The following FLNB variants were observed in gnomAD, a reference collection of about 807,000 sequenced individuals.
The protein encoded by FLNB is filamin-B.
FLNB carries 111 observed loss-of-function variants against 250.6 expected under a neutral mutation model. The observed-to-expected ratio is 0.44, with a 90% confidence interval of 0.38 to 0.52. FLNB has a LOEUF of 0.52. Among genes scored for constraint, FLNB ranks in the 20% least tolerant of loss-of-function variants. The pLI is 0.00. For missense variants in FLNB, 2,869 were observed against 3,447.8 expected (o/e 0.83, Z 4.20); for synonymous variants, 1,302 against 1,372.1 (o/e 0.95, Z 1.13).
At chr3:58,116,321 G>C (rs1312736652) in intron 18 of FLNB, among the ~76,000 whole-genome samples, 1 of 152,226 alleles carries the variant, frequency 6.6e-6, no homozygotes, top group Non-Finnish European at 1.5e-5. Context: ...TCTCATGGTA[G>C]TTTTAGGGTA....
intron 24 of FLNB, among the ~76,000 whole-genome samples, chr3:58,128,089 C>T (rs144238458): frequency 2.6e-5 from 4 of 152,276 alleles, no homozygotes; most frequent in African/African-American, 7.2e-5. Context: ...AGAGCCTCAG[C>T]GGGGTCTTGT....
At chr3:58,155,825 C>G in intron 40 of FLNB, 135 bp from the exon 41 acceptor site, 2 of 686,642 alleles carry the variant, frequency 2.9e-6, no homozygotes, top group Non-Finnish European at 5.3e-6. Context: ...AGCCAGGCGA[C>G]TCCCACTCAA....
intron 1 of FLNB, among the ~76,000 whole-genome samples, chr3:58,053,358 GGTAT>G (rs2097165508): frequency 6.6e-6 from 1 of 152,060 alleles, no homozygotes; most frequent in South Asian, 2.1e-4. Context: ...TAATTTCTGT[GGTAT>G]ACATCATTGA....
At chr3:58,163,918 A>G (rs2107321850) in intron 43 of FLNB, 1 of 153,806 alleles carries the variant, frequency 6.5e-6, no homozygotes, top group South Asian at 2.0e-4. Context: ...TATGAAAGAT[A>G]CAGGCAGTGA....
chr3:58,012,035 A>G (rs1046078278), intron 1 of FLNB, among the ~76,000 whole-genome samples: 3 of 152,064 alleles, frequency 2.0e-5, no homozygotes, highest in African/African-American at 7.2e-5. Context: ...ACATGGTGAA[A>G]CCCTAGCTCT....
intron 4 of FLNB, among the ~76,000 whole-genome samples, chr3:58,089,887 A>G (rs550481403): frequency 6.6e-6 from 1 of 152,026 alleles, no homozygotes; most frequent in African/African-American, 2.4e-5. Flanking sequence ...CCTGGGTTCA[A>G]GCTATTCTCC....
intron 4 of FLNB, among the ~76,000 whole-genome samples, 181 bp downstream of exon 4, chr3:58,081,957 C>T (rs1206442842): frequency 6.6e-6 from 1 of 152,170 alleles, no homozygotes; most frequent in East Asian, 1.9e-4. Context: ...TTTTCTAAGG[C>T]TTTAAGAAAT....
At chr3:58,133,460 A>G (rs1376848363) in intron 26 of FLNB, among the ~76,000 whole-genome samples, 1 of 150,104 alleles carries the variant, frequency 6.7e-6, no homozygotes, top group Admixed American at 6.6e-5. Flanking sequence ...AAAAAAAAAA[A>G]AAAAAGCAAT....
Position 58,142,276 on chromosome 3 carries a change from A to G in FLNB, c.5181+347A>G, listed in dbSNP as rs773746630. Among the ~76,000 whole-genome samples, 2 of 152,192 alleles carry G rather than the reference A, an allele frequency of 1.3e-5. No homozygotes were observed. The highest frequency in any genetic ancestry group is 2.9e-5 in the Non-Finnish European group (2 of 68,024). On this transcript the variant is annotated intron_variant, in intron 30 of 45. Transcript: ENST00000295956. This position sits in a 1 kb window ranked among gnomAD's most constrained non-coding sequence, Gnocchi z 4.3. ...TTTCTGTTCAGGGGGAAAGCCACCCACTGCTACTCTCTGCCACTTAAAATG... is the reference window on the plus strand; with the variant it reads ...TTTCTGTTCAGGGGGAAAGCCACCCGCTGCTACTCTCTGCCACTTAAAATG...
chr3:58,081,566 A>G (rs2097209283), intron 3 of FLNB, 63 bp from the exon 4 acceptor site: 1 of 1,533,292 alleles, frequency 6.5e-7, no homozygotes, highest in East Asian at 2.2e-5. Flanking sequence ...AGGCATTTGC[A>G]AACACTTCAA....
chr3:58,099,154 A>G (rs772105627), intron 8 of FLNB, among the ~76,000 whole-genome samples: 6 of 152,148 alleles, frequency 3.9e-5, no homozygotes, highest in Admixed American at 6.5e-5. Flanking sequence ...TCCAAAACAC[A>G]TGTACAGGAG....
At chr3:58,081,195 C>T (rs547637045) in intron 3 of FLNB, among the ~76,000 whole-genome samples, 1 of 152,214 alleles carries the variant, frequency 6.6e-6, no homozygotes, top group South Asian at 2.1e-4. Flanking sequence ...AGAGTTAATA[C>T]AGATACAGAC....
chr3:58,057,075 G>T (rs575590143), intron 1 of FLNB, among the ~76,000 whole-genome samples: 1 of 152,246 alleles, frequency 6.6e-6, no homozygotes, highest in East Asian at 1.9e-4. Flanking sequence ...GACCTCCTGG[G>T]CTCAATCCTC....
chr3:58,060,658 A>C (rs895983512), intron 1 of FLNB, among the ~76,000 whole-genome samples: 5 of 150,846 alleles, frequency 3.3e-5, no homozygotes, highest in African/African-American at 1.2e-4. Flanking sequence ...TGGCTGACCC[A>C]AAAAATTAGC....
At chr3:58,012,926 C>T (rs1687091609) in intron 1 of FLNB, among the ~76,000 whole-genome samples, 1 of 152,218 alleles carries the variant, frequency 6.6e-6, no homozygotes, top group Admixed American at 6.5e-5. Context: ...TCTGGCTTTT[C>T]TGCCTAGAAT....
intron 40 of FLNB, 94 bp from the exon 41 acceptor site, chr3:58,155,866 G>A (rs557424216): frequency 1.2e-6 from 1 of 819,476 alleles, no homozygotes; most frequent in Non-Finnish European, 2.1e-6. Context: ...AGGAGGGCTG[G>A]GTCTCTCTGA....
chr3:58,065,260 A>G (rs1187514099), intron 1 of FLNB, among the ~76,000 whole-genome samples: 2 of 152,244 alleles, frequency 1.3e-5, no homozygotes, highest in Non-Finnish European at 1.5e-5. Flanking sequence ...TGGTGGGCAG[A>G]GAAGCCTGGC....
chr3:58,143,839 G>A (rs1397208974), intron 32 of FLNB, among the ~76,000 whole-genome samples: 1 of 152,218 alleles, frequency 6.6e-6, no homozygotes, highest in Non-Finnish European at 1.5e-5. Flanking sequence ...AGGCCTTTGG[G>A]TCTGTGGTTG....
At chr3:58,126,539 G>T in intron 23 of FLNB, 63 bp from the exon 24 acceptor site, 2 of 1,521,024 alleles carry the variant, frequency 1.3e-6, no homozygotes, top group Non-Finnish European at 1.8e-6. Flanking sequence ...CATGAATTTT[G>T]GCAATAAGCA....
Sources: gnomAD v4.1 joint callset for allele counts (sites outside exome capture counted in the v4.1 genomes callset) on GRCh38, gnomAD v4.1.1 for gene constraint, Gnocchi (gnomAD v3.1) non-coding constraint, MANE v1.5 for transcripts, NCBI Gene and HGNC (gene_info 2026-07-23, HGNC 2026-07-21) for gene names.